The following KCNB2 variants were observed in gnomAD, a reference collection of about 807,000 sequenced individuals.
KCNB2 encodes the protein potassium voltage-gated channel subfamily B member 2.
A neutral mutation model predicts 61.5 loss-of-function variants in KCNB2; 15 were observed. The ratio of observed to expected loss-of-function variants is 0.24; its 90% CI spans 0.16 to 0.38. The LOEUF (loss-of-function observed/expected upper bound fraction) is 0.38, where lower values mean the gene tolerates loss of function less well. Ranked by LOEUF, KCNB2 falls within the 10% of genes least tolerant of loss-of-function variation. KCNB2 has a pLI of 1.00. For missense variants in KCNB2, 828 were observed against 1,125.2 expected (o/e 0.74, Z 3.78); for synonymous variants, 457 against 446.0 (o/e 1.02, Z -0.31).
intron 2 of KCNB2, among the ~76,000 whole-genome samples, chr8:72,861,885 AC>A (rs1227675395): frequency 1.3e-5 from 2 of 152,128 alleles, no homozygotes; most frequent in African/African-American, 4.8e-5. Context: ...CAGAGTTGTT[AC>A]CAAGGCCAGG....
intron 2 of KCNB2, among the ~76,000 whole-genome samples, chr8:72,710,262 C>A (rs955772399): frequency 2.0e-5 from 3 of 152,130 alleles, no homozygotes; most frequent in Non-Finnish European, 4.4e-5. Flanking sequence ...GGCAGTTATG[C>A]CATCTGGGCC....
chr8:72,727,875 C>T (rs1484513804), intron 2 of KCNB2, among the ~76,000 whole-genome samples: 1 of 152,186 alleles, frequency 6.6e-6, no homozygotes. Flanking sequence ...TATTTTAAAG[C>T]ATAGTTTTAT....
chr8:72,593,745 A>G (rs1301513688), intron 2 of KCNB2, among the ~76,000 whole-genome samples: 1 of 152,198 alleles, frequency 6.6e-6, no homozygotes, highest in African/African-American at 2.4e-5. Context: ...GCCATGGCTG[A>G]ATTGATTTTG....
chr8:72,675,946 T>G lies in KCNB2; in HGVS notation c.579+107633T>G, dbSNP rs557222733. Among the ~76,000 whole-genome samples the G allele has an allele frequency of 1.4e-4, 21 of 152,310 alleles. No individual in the cohort carries two copies. The South Asian group carries it at 2.9e-3, about 21-fold the overall frequency. On this transcript the variant is annotated intron_variant, in intron 2 of 2. Transcript: ENST00000523207. ...CACATTCAAGACAGACAAAAAATGC[T>G]AATAGCAATTATGTGAGTGCATTGG...
intron 1 of KCNB2, among the ~76,000 whole-genome samples, chr8:72,565,862 C>T (rs147631342): frequency 5.3e-5 from 8 of 152,310 alleles, no homozygotes; most frequent in African/African-American, 1.9e-4. Context: ...AACTCCTACA[C>T]TGTATAAGCA....
At chr8:72,804,383 T>C (rs1304759935) in intron 2 of KCNB2, among the ~76,000 whole-genome samples, 2 of 152,074 alleles carry the variant, frequency 1.3e-5, no homozygotes, top group Non-Finnish European at 2.9e-5. Context: ...TTTTGCATTA[T>C]AAAGTATCAT....
intron 2 of KCNB2, among the ~76,000 whole-genome samples, chr8:72,634,436 G>C (rs746979757): frequency 6.6e-6 from 1 of 152,120 alleles, no homozygotes; most frequent in Non-Finnish European, 1.5e-5. Context: ...CCCAGATGAC[G>C]CAACCTCTGT....
chr8:72,899,848 G>GA (rs1355278636), intron 2 of KCNB2, among the ~76,000 whole-genome samples: 1 of 152,070 alleles, frequency 6.6e-6, no homozygotes, highest in African/African-American at 2.4e-5. Context: ...CACAGAATTA[G>GA]AAAAAAGTAT....
intron 2 of KCNB2, among the ~76,000 whole-genome samples, chr8:72,808,897 G>A (rs1181948984): frequency 1.3e-5 from 2 of 152,214 alleles, no homozygotes; most frequent in South Asian, 2.1e-4. Flanking sequence ...TCTACTTGGA[G>A]TTTTGTGAAG....
chr8:72,841,372 CTTTTT>C (rs769263287), intron 2 of KCNB2, among the ~76,000 whole-genome samples: 1,027 of 34,284 alleles, frequency 0.03, 15 homozygotes, highest in Middle Eastern at 0.083. Flanking sequence ...TTTTTTTTTT[CTTTTT>C]TTTTTTTTTT....
intron 2 of KCNB2, among the ~76,000 whole-genome samples, chr8:72,723,536 C>T (rs747605272): frequency 6.6e-6 from 1 of 152,144 alleles, no homozygotes; most frequent in Non-Finnish European, 1.5e-5. Context: ...TCCTCTTGGC[C>T]TCCCTGGAGC....
intron 2 of KCNB2, among the ~76,000 whole-genome samples, chr8:72,625,679 C>T (rs1453312331): frequency 6.6e-6 from 1 of 152,146 alleles, no homozygotes; most frequent in Non-Finnish European, 1.5e-5. Context: ...GATCTTTCTG[C>T]CTCGGCTTCT....
At chr8:72,867,479 C>G (rs1805547236) in intron 2 of KCNB2, among the ~76,000 whole-genome samples, 1 of 152,070 alleles carries the variant, frequency 6.6e-6, no homozygotes, top group African/African-American at 2.4e-5. Context: ...GAGACCCTTT[C>G]TCCACCAAAA....
intron 2 of KCNB2, among the ~76,000 whole-genome samples, chr8:72,730,500 C>A (rs916184298): frequency 1.3e-5 from 2 of 152,116 alleles, no homozygotes; most frequent in East Asian, 1.9e-4. Flanking sequence ...CTAGCAAAGT[C>A]TTACTGAGTT....
At chr8:72,553,257 C>T (rs1015914067) in intron 1 of KCNB2, among the ~76,000 whole-genome samples, 2 of 152,004 alleles carry the variant, frequency 1.3e-5, no homozygotes, top group African/African-American at 4.8e-5. Context: ...CAGTTTTCAC[C>T]TAGATAACAT....
intron 2 of KCNB2, among the ~76,000 whole-genome samples, chr8:72,832,777 C>G (rs1809720113): frequency 6.6e-6 from 1 of 152,190 alleles, no homozygotes; most frequent in South Asian, 2.1e-4. Flanking sequence ...CCCCGTCCCA[C>G]AGGGCAACAG....
intron 2 of KCNB2, among the ~76,000 whole-genome samples, chr8:72,641,534 A>G (rs1236961360): frequency 6.6e-6 from 1 of 152,078 alleles, no homozygotes; most frequent in Non-Finnish European, 1.5e-5. Flanking sequence ...GTCACATTAA[A>G]TTAATGAAAC....
chr8:72,606,348 A>G (rs1330653386), intron 2 of KCNB2, among the ~76,000 whole-genome samples: 4 of 152,248 alleles, frequency 2.6e-5, no homozygotes, highest in Non-Finnish European at 5.9e-5. Flanking sequence ...GTACATACTC[A>G]TAATCCAAGT....
intron 2 of KCNB2, among the ~76,000 whole-genome samples, chr8:72,604,776 A>T (rs764525913): frequency 2.0e-5 from 3 of 152,176 alleles, no homozygotes; most frequent in Non-Finnish European, 2.9e-5. Context: ...TTTCACTTAG[A>T]CTCCAAAGGT....
Sources: allele counts gnomAD v4.1 joint callset (sites outside exome capture counted in the v4.1 genomes callset), GRCh38; gene constraint gnomAD v4.1.1; transcripts MANE v1.5; gene names NCBI Gene and HGNC (gene_info 2026-07-23, HGNC 2026-07-21).